PHACTR3: variants seen among roughly 807,000 people sequenced by gnomAD.
PHACTR3 encodes phosphatase and actin regulator 3.
A neutral mutation model predicts 66.8 loss-of-function variants in PHACTR3; 16 were observed. The ratio of observed to expected loss-of-function variants is 0.24; its 90% confidence interval spans 0.16 to 0.36. The LOEUF is 0.36. Among genes scored for constraint, PHACTR3 ranks in the 10% least tolerant of loss-of-function variants. PHACTR3 has a pLI of 1.00. For missense variants in PHACTR3, 647 were observed against 719.9 expected (o/e 0.90, Z 1.16); for synonymous variants, 323 against 292.1 (o/e 1.11, Z -1.08).
At chr20:59,811,626 TCCAGCC>T (rs2041738311) in intron 8 of PHACTR3, among the ~76,000 whole-genome samples, 1 of 147,514 alleles carries the variant, frequency 6.8e-6, no homozygotes, top group African/African-American at 2.5e-5. Context: ...GCTATTGTAC[TCCAGCC>T]TGGGCAACAG....
At chr20:59,676,678 G>C in intron 1 of PHACTR3, 1 of 985,210 alleles carries the variant, frequency 1.0e-6, no homozygotes, top group Non-Finnish European at 1.2e-6. Context: ...AGGGAGATTT[G>C]AGAGAAAGAC....
intron 8 of PHACTR3, among the ~76,000 whole-genome samples, chr20:59,812,584 T>C (rs1016982233): frequency 2.0e-5 from 3 of 152,158 alleles, no homozygotes; most frequent in African/African-American, 7.2e-5. Flanking sequence ...AGGCTGTGGT[T>C]TGGGCTGCAA....
At chr20:59,636,327 A>G (rs111349024) in intron 1 of PHACTR3, among the ~76,000 whole-genome samples, 21 of 152,300 alleles carry the variant, frequency 1.4e-4, no homozygotes, top group African/African-American at 3.6e-4. Context: ...AGGGCCTACT[A>G]TGAGCTTTGC....
chr20:59,586,816 C>T (rs1438174348), intron 1 of PHACTR3, among the ~76,000 whole-genome samples: 1 of 152,070 alleles, frequency 6.6e-6, no homozygotes, highest in Admixed American at 6.5e-5. Flanking sequence ...TTGGTGGGAC[C>T]CCATTTGACA....
At position 59,773,426 on chromosome 20, in the gene PHACTR3, C is replaced by T. The variant is rs1400091114; in HGVS notation, c.899C>T (p.Ala300Val). 4.3e-6 allele frequency: 7 copies of T among 1,613,068 alleles called. No individual in the cohort carries two copies. The highest frequency in any genetic ancestry group is 2.2e-5 in the East Asian group (1 of 44,854). The stretch of plus-strand genomic sequence containing the variant: ...CGCGTCATTGAGGAGCTGCACAGGG[C>T]GCTGGCCACGAAGCACCGCCAGGAC... ...PSRVIEELHR[A>V]LATKHRQDSF... Residue 300 changes from alanine (A) to valine (V), a missense_variant, in exon 6 of 13, where the codon GCG becomes GTG. Coordinates refer to ENST00000371015, the MANE Select transcript of PHACTR3 (RefSeq NM_080672.5).
intron 1 of PHACTR3, among the ~76,000 whole-genome samples, chr20:59,678,113 C>G (rs765625854): frequency 4.6e-5 from 7 of 152,142 alleles, no homozygotes; most frequent in Non-Finnish European, 7.4e-5. Context: ...GGTAGCTTGG[C>G]AGTTTGCAAT....
At chr20:59,838,670 C>T (rs1473906516) in intron 9 of PHACTR3, among the ~76,000 whole-genome samples, 1 of 152,194 alleles carries the variant, frequency 6.6e-6, no homozygotes. Context: ...CTCCATTGCC[C>T]ATCTTCTTAA....
Position 59,577,525 on chromosome 20 carries a change from G to C in PHACTR3, c.17G>C (p.Gly6Ala), listed in dbSNP as rs540611029. 1.7e-3 allele frequency: 1,917 copies of C among 1,153,806 alleles called. 14 individuals are homozygous for C. In the African/African-American group the frequency reaches 0.019, roughly 11 times the overall value. The allele number at this position is 1,153,806 out of a possible 1,614,324, so 71.5% of individuals were successfully genotyped here. A position where few individuals can be genotyped will look rare whatever the true frequency, so the allele number is the denominator to read the frequency against. The change falls in exon 1 of 13, where the codon GGG becomes GCG. Residue 6 changes from glycine to alanine, a missense_variant. Transcript: ENST00000359926. ...TCCGGCGGGATGCGTGGCCGTGGCG[G>C]GGGGCGCGCCCGCTGTCCTGCGCCC...
At chr20:59,826,754 C>A (rs537690198) in intron 8 of PHACTR3, among the ~76,000 whole-genome samples, 1 of 152,170 alleles carries the variant, frequency 6.6e-6, no homozygotes, top group Non-Finnish European at 1.5e-5. Flanking sequence ...CTGCAGGGTG[C>A]GTCTCTCCCT....
At chr20:59,758,028 T>A (rs1454337813) in intron 4 of PHACTR3, among the ~76,000 whole-genome samples, 1 of 152,158 alleles carries the variant, frequency 6.6e-6, no homozygotes, top group Non-Finnish European at 1.5e-5. Flanking sequence ...CCTGGCAGGT[T>A]ATCCCTGAGG....
rs1275386874 is a variant in PHACTR3 at position 59,774,447 on chromosome 20, T to C, written c.1131T>C (p.Leu377=). ...IINSELKDDL[L]LYQDEEALND... ...ATTCTGAACTCAAAGACGACTTGCT[T>C]TTGTATCAGGACGAGGAGGCGCTGA... Residue 377 remains leucine (L), a synonymous_variant, in exon 7 of 13, where the codon CTT becomes CTC. Coordinates refer to ENST00000371015, the MANE Select transcript of PHACTR3 (RefSeq NM_080672.5). 1 of 1,613,970 alleles carries C rather than the reference T, an allele frequency of 6.2e-7. No individual in the cohort carries two copies.
At chr20:59,665,506 T>C (rs1375784290) in intron 1 of PHACTR3, among the ~76,000 whole-genome samples, 1 of 151,282 alleles carries the variant, frequency 6.6e-6, no homozygotes, top group Non-Finnish European at 1.5e-5. Context: ...ATTTTTCATA[T>C]TACGATTTTT....
rs371637134 is a variant in PHACTR3 at position 59,755,047 on chromosome 20, G to T, written c.359-135G>T. Reference sequence around the variant, plus strand: ...CCAGACTTGGAGAGGGACTCCTAGGGTGTGTGGTGAGGGGGAGAGGGGTGG... The same window carrying T: ...CCAGACTTGGAGAGGGACTCCTAGGTTGTGTGGTGAGGGGGAGAGGGGTGG... On this transcript the variant is annotated intron_variant, in intron 3 of 12. Coordinates refer to ENST00000371015, the MANE Select transcript of PHACTR3 (RefSeq NM_080672.5). 1.7e-4 allele frequency: 144 copies of T among 824,276 alleles called. No homozygotes were observed. In the African/African-American group the frequency reaches 2.3e-3, roughly 13 times the overall value. The allele number at this position is 824,276 out of a possible 1,614,324, so 51.1% of individuals were successfully genotyped here.
chr20:59,792,228 G>A (rs2146959480), intron 7 of PHACTR3, among the ~76,000 whole-genome samples: 1 of 152,304 alleles, frequency 6.6e-6, no homozygotes, highest in African/African-American at 2.4e-5. Context: ...ATCTGTTGAT[G>A]GACATATGGG....
At chr20:59,624,677 T>C (rs569944088) in intron 1 of PHACTR3, among the ~76,000 whole-genome samples, 3 of 152,204 alleles carry the variant, frequency 2.0e-5, no homozygotes, top group South Asian at 2.1e-4. Flanking sequence ...TCTCTGGGCC[T>C]ACCCAAGGAA....
intron 1 of PHACTR3, among the ~76,000 whole-genome samples, chr20:59,598,412 C>A (rs1167730018): frequency 6.6e-6 from 1 of 152,200 alleles, no homozygotes; most frequent in Non-Finnish European, 1.5e-5. Context: ...CGGGGCCACA[C>A]AGTCAGAAAA....
chr20:59,824,253 GAC>G (rs2042124783), intron 8 of PHACTR3, among the ~76,000 whole-genome samples: 2 of 152,190 alleles, frequency 1.3e-5, no homozygotes, highest in Non-Finnish European at 2.9e-5. Context: ...CATTCAGGTT[GAC>G]ACATCAAATT....
intron 1 of PHACTR3, among the ~76,000 whole-genome samples, chr20:59,660,761 A>G (rs148929688): frequency 1.5e-3 from 226 of 152,382 alleles, no homozygotes; most frequent in Non-Finnish European, 2.3e-3. Flanking sequence ...TACAGCAAGA[A>G]CATCATTCTC....
chr20:59,784,169 T>C (rs969580726), intron 7 of PHACTR3, among the ~76,000 whole-genome samples: 19 of 152,084 alleles, frequency 1.2e-4, no homozygotes, highest in Non-Finnish European at 2.8e-4. Flanking sequence ...GAAGAGGAAA[T>C]CTTGCCTCAA....
Sources: gnomAD v4.1 joint callset for allele counts (sites outside exome capture counted in the v4.1 genomes callset) on GRCh38, gnomAD v4.1.1 for gene constraint, MANE v1.5 for transcripts, NCBI Gene and HGNC (gene_info 2026-07-23, HGNC 2026-07-21) for gene names.